The following STX17 variants were observed in gnomAD, a reference collection of about 807,000 sequenced individuals.
The protein encoded by STX17 is syntaxin 17.
In STX17, 29 loss-of-function variants were observed where a neutral mutation model predicts 35.9. The ratio of observed to expected loss-of-function variants is 0.81; its 90% confidence interval spans 0.60 to 1.10. The LOEUF is 1.10. Ranked by LOEUF, STX17 falls within the 50% of genes least tolerant of loss-of-function variation. STX17 has a pLI of 0.00. For synonymous variants in STX17, 92 were observed against 118.3 expected, an observed-to-expected ratio of 0.78 and a Z score of 1.44; for missense variants, 312 against 352.3, an observed-to-expected ratio of 0.89 and a Z score of 0.92.
intron 6 of STX17, among the ~76,000 whole-genome samples, chr9:99,963,103 A>G (rs759772739): frequency 2.0e-5 from 3 of 152,234 alleles, no homozygotes; most frequent in African/African-American, 7.2e-5. Context: ...ACTAAATTGT[A>G]CACTTCAAAA....
chr9:99,968,021 A>G (rs1177193977), intron 7 of STX17, among the ~76,000 whole-genome samples: 2 of 152,232 alleles, frequency 1.3e-5, no homozygotes, highest in Non-Finnish European at 2.9e-5. Context: ...AAGTGTAAGT[A>G]TGTGACAGCA....
At chr9:99,961,559 T>C (rs1003588277) in intron 6 of STX17, among the ~76,000 whole-genome samples, 2 of 152,180 alleles carry the variant, frequency 1.3e-5, no homozygotes, top group Admixed American at 6.5e-5. Flanking sequence ...TCAGGAGTTA[T>C]GGGAAGGTAG....
At chr9:99,928,952 C>A in intron 3 of STX17, 109 bp downstream of exon 3, 1 of 876,944 alleles carries the variant, frequency 1.1e-6, no homozygotes, top group Admixed American at 2.5e-5. Context: ...ACATTTGTTA[C>A]TATTTACTTG....
chr9:99,908,072 AT>A (rs1045561457), intron 1 of STX17, among the ~76,000 whole-genome samples: 92 of 152,306 alleles, frequency 6.0e-4, no homozygotes, highest in African/African-American at 2.0e-3. Flanking sequence ...TCATGATTAG[AT>A]TAAGGTTATA....
intron 1 of STX17, among the ~76,000 whole-genome samples, chr9:99,908,050 T>G (rs1412890788): frequency 6.6e-6 from 1 of 152,234 alleles, no homozygotes; most frequent in Non-Finnish European, 1.5e-5. Context: ...ATGGGGTTTG[T>G]CCAGTGTTCT....
At chr9:99,934,998 A>C (rs1286628301) in intron 3 of STX17, among the ~76,000 whole-genome samples, 1 of 152,150 alleles carries the variant, frequency 6.6e-6, no homozygotes, top group Non-Finnish European at 1.5e-5. Flanking sequence ...TTTAGTTATA[A>C]AACCAAAGAG....
At chr9:99,922,967 C>G (rs1051768678) in intron 2 of STX17, among the ~76,000 whole-genome samples, 1 of 152,132 alleles carries the variant, frequency 6.6e-6, no homozygotes, top group African/African-American at 2.4e-5. Flanking sequence ...GTTCCTGTCC[C>G]CTGGTGGAAC....
intron 3 of STX17, among the ~76,000 whole-genome samples, chr9:99,936,947 T>C (rs562176225): frequency 1.3e-5 from 2 of 152,178 alleles, no homozygotes; most frequent in South Asian, 2.1e-4. Flanking sequence ...TTAACATTTC[T>C]GGGAGTGTGA....
intron 3 of STX17, among the ~76,000 whole-genome samples, chr9:99,937,098 C>T (rs958334043): frequency 1.3e-5 from 2 of 152,176 alleles, no homozygotes; most frequent in Admixed American, 1.3e-4. Flanking sequence ...TTCTCACTTG[C>T]ATTGTTTCTG....
At chr9:99,926,560 T>C (rs10118565) in intron 2 of STX17, among the ~76,000 whole-genome samples, 104,489 of 151,608 alleles carry the variant, frequency 0.69, 36,279 homozygotes, top group African/African-American at 0.72. Flanking sequence ...TGCAGTGACA[T>C]AATCTGGGCT....
intron 4 of STX17, among the ~76,000 whole-genome samples, chr9:99,952,417 T>G (rs1829620237): frequency 6.6e-6 from 1 of 152,118 alleles, no homozygotes; most frequent in African/African-American, 2.4e-5. Context: ...TAAGAACACT[T>G]TTACACTGTT....
intron 3 of STX17, among the ~76,000 whole-genome samples, chr9:99,947,244 T>G (rs1023323985): frequency 7.9e-5 from 12 of 152,194 alleles, no homozygotes; most frequent in African/African-American, 2.4e-4. Context: ...TAAATTCTTG[T>G]GGACATTATT....
rs1828553454 is a variant in STX17 at position 99,906,698 on chromosome 9, C to G, written c.-71C>G. On this transcript the variant is annotated 5_prime_UTR_variant, in exon 1 of 8. Transcript: ENST00000259400. ...GCCCACCGACCGGCCTCGAGCGCCC[C>G]GGCGGGAGGTAAGGGGCTCTCTGGA... 1 of 152,026 alleles carries G rather than the reference C, an allele frequency of 6.6e-6. No individual in the cohort carries two copies. The highest frequency in any genetic ancestry group is 2.1e-4 in the South Asian group (1 of 4,834). 9.4% of individuals were successfully genotyped at this position (152,026 alleles called of 1,614,324 possible).
chr9:99,950,674 C>T (rs1435922674), intron 3 of STX17, among the ~76,000 whole-genome samples: 4 of 151,536 alleles, frequency 2.6e-5, no homozygotes, highest in African/African-American at 9.7e-5. Context: ...AAGGGAGAAG[C>T]CTTATATATG....
intron 2 of STX17, 114 bp from the exon 3 acceptor site, chr9:99,928,664 T>C: frequency 1.4e-6 from 1 of 705,968 alleles, no homozygotes; most frequent in Non-Finnish European, 2.4e-6. Flanking sequence ...TAAATCACTC[T>C]CTTCTCTAGA....
chr9:99,943,493 G>A lies in STX17; in HGVS notation c.190-7567G>A, dbSNP rs557279320. 7.2e-5 allele frequency among the ~76,000 whole-genome samples: 11 copies of A among 152,304 alleles called. No individual in the cohort carries two copies. In the South Asian group the frequency reaches 2.3e-3, roughly 32 times the overall value. ...CAGCAAATTTTTGTATTTCTTAGTA[G>A]AGACGGGGTTTCACCATGTTGGCCA... is the stretch of plus-strand genomic sequence containing the variant. On this transcript the variant is annotated intron_variant, in intron 3 of 7. Transcript: ENST00000259400.
intron 1 of STX17, among the ~76,000 whole-genome samples, chr9:99,908,356 G>T (rs1828592388): frequency 6.6e-6 from 1 of 152,136 alleles, no homozygotes; most frequent in Admixed American, 6.5e-5. Flanking sequence ...CAATTATTAT[G>T]ACTATGGTGT....
rs1197297337 is a variant in STX17 at position 99,972,083 on chromosome 9, C to T, written c.*3410C>T. ...TCATTTGCATCTTTTTAAAAAACTT[C>T]TGATTCCTTACTGAGTGTCCAGCAG... On this transcript the variant is annotated 3_prime_UTR_variant, in exon 8 of 8. Coordinates refer to ENST00000259400, the MANE Select transcript of STX17 (RefSeq NM_017919.3). Among the ~76,000 whole-genome samples the T allele has an allele frequency of 6.6e-6, 1 of 152,202 alleles. No individual in the cohort carries two copies. The highest frequency in any genetic ancestry group is 1.5e-5 in the Non-Finnish European group (1 of 68,024).
At chr9:99,956,382 A>G (rs1273695611) in intron 4 of STX17, among the ~76,000 whole-genome samples, 1 of 152,144 alleles carries the variant, frequency 6.6e-6, no homozygotes, top group Non-Finnish European at 1.5e-5. Context: ...GCTTTAAAAA[A>G]TATTTTGAGT....
Sources: allele counts gnomAD v4.1 joint callset (sites outside exome capture counted in the v4.1 genomes callset), GRCh38; gene constraint gnomAD v4.1.1; transcripts MANE v1.5; gene names NCBI Gene and HGNC (gene_info 2026-07-23, HGNC 2026-07-21).